MARCHF1: variants seen among roughly 807,000 people sequenced by gnomAD.
The protein encoded by MARCHF1 is E3 ubiquitin-protein ligase MARCHF1.
In MARCHF1, 40 loss-of-function variants were observed where a neutral mutation model predicts 54.2. The observed-to-expected ratio is 0.74, with a 90% CI of 0.57 to 0.96. MARCHF1 has a LOEUF of 0.96. MARCHF1 is among the 40% of genes least tolerant of loss of function. The pLI is 0.00. For synonymous variants in MARCHF1, 236 were observed against 236.3 expected, an observed-to-expected ratio of 1.00 and a Z score of 0.01; for missense variants, 586 against 656.5, an observed-to-expected ratio of 0.89 and a Z score of 1.17.
intron 2 of MARCHF1, among the ~76,000 whole-genome samples, chr4:164,093,165 C>T (rs374573906): frequency 1.1e-3 from 161 of 152,094 alleles, no homozygotes; most frequent in African/African-American, 3.7e-3. Flanking sequence ...TTTCTTTCTC[C>T]TATTGTTTTA....
intron 1 of MARCHF1, among the ~76,000 whole-genome samples, chr4:164,229,420 T>C (rs1732351037): frequency 6.6e-6 from 1 of 152,118 alleles, no homozygotes. Flanking sequence ...CAGCTGCCAA[T>C]AGCCAATGGG....
At chr4:164,192,943 C>A (rs1002850326) in intron 1 of MARCHF1, among the ~76,000 whole-genome samples, 3 of 152,134 alleles carry the variant, frequency 2.0e-5, no homozygotes, top group African/African-American at 7.2e-5. Flanking sequence ...AGAGGGAGGA[C>A]ACTGTTACCG....
intron 5 of MARCHF1, among the ~76,000 whole-genome samples, chr4:163,681,451 T>G (rs1027551603): frequency 3.9e-5 from 6 of 152,134 alleles, no homozygotes; most frequent in African/African-American, 4.8e-5. Flanking sequence ...TTGGTTATGT[T>G]CCCCTCAAAT....
intron 8 of MARCHF1, among the ~76,000 whole-genome samples, chr4:163,558,385 AAG>A (rs1293427342): frequency 6.6e-6 from 1 of 152,154 alleles, no homozygotes; most frequent in Admixed American, 6.5e-5. Context: ...AGGCAGTAGG[AAG>A]AGTTTTTCTG....
intron 2 of MARCHF1, among the ~76,000 whole-genome samples, chr4:164,077,622 A>G (rs1755007418): frequency 6.6e-6 from 1 of 152,198 alleles, no homozygotes; most frequent in South Asian, 2.1e-4. Flanking sequence ...AATTTTTGCA[A>G]TCTATTCATC....
intron 5 of MARCHF1, among the ~76,000 whole-genome samples, chr4:163,690,409 A>C (rs909217816): frequency 2.0e-5 from 3 of 152,182 alleles, no homozygotes; most frequent in African/African-American, 4.8e-5. Flanking sequence ...CTTAGTGGGC[A>C]TTCTGTTCAG....
intron 2 of MARCHF1, among the ~76,000 whole-genome samples, chr4:164,099,114 G>T (rs556433741): frequency 6.6e-6 from 1 of 152,310 alleles, no homozygotes; most frequent in East Asian, 1.9e-4. Flanking sequence ...TTAGCAGGAT[G>T]ATTGAAGTTG....
At chr4:164,126,178 G>A (rs2110796148) in intron 1 of MARCHF1, among the ~76,000 whole-genome samples, 1 of 152,322 alleles carries the variant, frequency 6.6e-6, no homozygotes, top group East Asian at 1.9e-4. Context: ...AATTACCAAT[G>A]TGATGGTATC....
chr4:163,727,645 A>T (rs917797168), intron 4 of MARCHF1, among the ~76,000 whole-genome samples: 2 of 149,952 alleles, frequency 1.3e-5, no homozygotes, highest in African/African-American at 4.9e-5. Context: ...ATTTACAATT[A>T]TGCTTGCACC....
intron 5 of MARCHF1, among the ~76,000 whole-genome samples, chr4:163,679,848 C>G (rs1020008538): frequency 2.0e-5 from 3 of 152,096 alleles, no homozygotes; most frequent in Non-Finnish European, 4.4e-5. Context: ...GATCCGCCCG[C>G]CTCGGCCTCC....
intron 5 of MARCHF1, among the ~76,000 whole-genome samples, chr4:163,673,387 T>C (rs1401408967): frequency 1.3e-5 from 2 of 152,224 alleles, no homozygotes; most frequent in Admixed American, 6.5e-5. Flanking sequence ...TCCAGACCTT[T>C]TAATCAGCTT....
intron 7 of MARCHF1, among the ~76,000 whole-genome samples, chr4:163,592,857 T>C (rs1346203599): frequency 2.7e-4 from 41 of 152,252 alleles, no homozygotes; most frequent in Non-Finnish European, 1.0e-4. Context: ...CCATGGGCTC[T>C]TGAAACACAT....
chr4:164,198,328 G>C (rs1731341041), intron 1 of MARCHF1, among the ~76,000 whole-genome samples: 1 of 152,200 alleles, frequency 6.6e-6, no homozygotes, highest in Admixed American at 6.5e-5. Context: ...TAAAACCAAA[G>C]TATCTAACTA....
chr4:163,849,980 C>A (rs1473288517), intron 4 of MARCHF1, among the ~76,000 whole-genome samples: 1 of 152,132 alleles, frequency 6.6e-6, no homozygotes, highest in Non-Finnish European at 1.5e-5. Context: ...GCCTTCAAAC[C>A]AGATTTCTTC....
chr4:164,134,201 T>C (rs982708338), intron 1 of MARCHF1, among the ~76,000 whole-genome samples: 13 of 152,194 alleles, frequency 8.5e-5, no homozygotes, highest in African/African-American at 3.1e-4. Context: ...TACCTCCAAA[T>C]TGTTTTCCAA....
At chr4:163,893,588 A>G (rs1750711434) in intron 3 of MARCHF1, among the ~76,000 whole-genome samples, 1 of 152,206 alleles carries the variant, frequency 6.6e-6, no homozygotes, top group Non-Finnish European at 1.5e-5. Context: ...ATGGAAAGGG[A>G]ACTCAAGTAA....
intron 2 of MARCHF1, among the ~76,000 whole-genome samples, chr4:163,994,668 A>G (rs999075330): frequency 6.6e-6 from 1 of 151,628 alleles, no homozygotes; most frequent in Non-Finnish European, 1.5e-5. Flanking sequence ...TAAATTTAAC[A>G]AAGTGTTTCC....
chr4:163,689,713 A>G (rs922294923), intron 5 of MARCHF1, among the ~76,000 whole-genome samples: 1 of 151,614 alleles, frequency 6.6e-6, no homozygotes, highest in Non-Finnish European at 1.5e-5. Flanking sequence ...ACCTTCAGGG[A>G]CCAGACTCTT....
chr4:164,119,605 A>G (rs558950717), intron 1 of MARCHF1, among the ~76,000 whole-genome samples: 148 of 151,216 alleles, frequency 9.8e-4, no homozygotes, highest in African/African-American at 3.5e-3. Flanking sequence ...AGCCAAACTA[A>G]TACATAAAAT....
Sources: allele counts gnomAD v4.1 joint callset (sites outside exome capture counted in the v4.1 genomes callset), GRCh38; gene constraint gnomAD v4.1.1; transcripts MANE v1.5; gene names NCBI Gene and HGNC (gene_info 2026-07-23, HGNC 2026-07-21).